Variants in GRIP1 observed in about 807,000 individuals in gnomAD.
The protein encoded by GRIP1 is glutamate receptor interacting protein 1, also known as glutamate receptor-interacting protein 1.
In GRIP1, 45 loss-of-function variants were observed where a neutral mutation model predicts 129.9. That is an observed-to-expected ratio of 0.35 (90% CI 0.27 to 0.44). The LOEUF is 0.44. Among genes scored for constraint, GRIP1 ranks in the 20% least tolerant of loss-of-function variants. GRIP1 has a pLI of 1.00. For missense variants in GRIP1, 1,196 were observed against 1,396.8 expected, an observed-to-expected ratio of 0.86 and a Z score of 2.29; for synonymous variants, 530 against 520.8, an observed-to-expected ratio of 1.02 and a Z score of -0.24.
At chr12:66,942,750 T>C (rs1298075188) in intron 1 of GRIP1, among the ~76,000 whole-genome samples, 1 of 152,186 alleles carries the variant, frequency 6.6e-6, no homozygotes, top group Non-Finnish European at 1.5e-5. Flanking sequence ...ATTTATATGT[T>C]GAAATCCTAA....
intron 7 of GRIP1, among the ~76,000 whole-genome samples, chr12:66,482,021 A>C (rs2138571255): frequency 6.6e-6 from 1 of 152,262 alleles, no homozygotes; most frequent in East Asian, 1.9e-4. Flanking sequence ...TGGGTGCAGC[A>C]GACCACCATG....
At chr12:66,799,837 C>T (rs2038807607) in intron 1 of GRIP1, among the ~76,000 whole-genome samples, 1 of 152,146 alleles carries the variant, frequency 6.6e-6, no homozygotes, top group Non-Finnish European at 1.5e-5. Context: ...AATTACTTAT[C>T]TAATCACCCA....
intron 11 of GRIP1, among the ~76,000 whole-genome samples, chr12:66,452,014 T>C (rs1285930859): frequency 1.3e-5 from 2 of 152,238 alleles, no homozygotes; most frequent in East Asian, 1.9e-4. Flanking sequence ...CTCTCTCTAA[T>C]AGTAGTTACT....
At chr12:67,024,883 T>G (rs1290374338) in intron 1 of GRIP1, among the ~76,000 whole-genome samples, 4 of 152,240 alleles carry the variant, frequency 2.6e-5, no homozygotes, top group Non-Finnish European at 5.9e-5. Flanking sequence ...GTTTAAAAAC[T>G]TATCTCAATT....
chr12:66,632,459 C>T (rs2030905107), intron 1 of GRIP1, among the ~76,000 whole-genome samples: 1 of 152,166 alleles, frequency 6.6e-6, no homozygotes, highest in African/African-American at 2.4e-5. Flanking sequence ...CCTCTCTTCC[C>T]TGGATGGTGC....
chr12:66,474,655 G>T (rs2059548920), intron 7 of GRIP1, among the ~76,000 whole-genome samples: 1 of 152,230 alleles, frequency 6.6e-6, no homozygotes, highest in Admixed American at 6.5e-5. Flanking sequence ...CAAGCCAGAA[G>T]AGAGTGGGGG....
At chr12:66,696,687 C>G (rs557339697) in intron 1 of GRIP1, among the ~76,000 whole-genome samples, 45 of 151,826 alleles carry the variant, frequency 3.0e-4, no homozygotes, top group Middle Eastern at 6.8e-3. Flanking sequence ...CACCTGTAGT[C>G]CCAGCTACTT....
intron 23 of GRIP1, among the ~76,000 whole-genome samples, chr12:66,361,643 C>A (rs2137165941): frequency 6.6e-6 from 1 of 152,324 alleles, no homozygotes; most frequent in Admixed American, 6.5e-5. Context: ...TTGCCCCAGC[C>A]ACCACCAAGC....
chr12:66,654,305 A>C (rs2033000665), intron 1 of GRIP1, among the ~76,000 whole-genome samples: 1 of 152,234 alleles, frequency 6.6e-6, no homozygotes, highest in Admixed American at 6.5e-5. Flanking sequence ...AGGTAAAATA[A>C]AGTATCTAAG....
chr12:67,021,994 T>G (rs2042874162), intron 1 of GRIP1, among the ~76,000 whole-genome samples: 1 of 152,218 alleles, frequency 6.6e-6, no homozygotes, highest in Non-Finnish European at 1.5e-5. Flanking sequence ...TTATTCGTTT[T>G]ATGGCTCAAT....
intron 1 of GRIP1, among the ~76,000 whole-genome samples, chr12:67,058,450 G>T (rs2043474817): frequency 6.6e-6 from 1 of 152,172 alleles, no homozygotes; most frequent in Admixed American, 6.5e-5. Context: ...TACATGTAGT[G>T]ATCTATTCTA....
intron 5 of GRIP1, 38 bp downstream of exon 5, chr12:66,529,793 T>A (rs183339429): frequency 9.2e-7 from 1 of 1,084,932 alleles, no homozygotes; most frequent in Non-Finnish European, 1.4e-6. Context: ...CCTATGGAAA[T>A]ATTTTTTTTA....
intron 7 of GRIP1, among the ~76,000 whole-genome samples, chr12:66,497,465 G>A (rs1456538486): frequency 1.3e-5 from 2 of 152,158 alleles, no homozygotes; most frequent in Non-Finnish European, 2.9e-5. Context: ...ACATGAACCC[G>A]GCATTGGGGA....
intron 15 of GRIP1, among the ~76,000 whole-genome samples, chr12:66,411,367 A>G (rs1179899101): frequency 6.6e-6 from 1 of 152,164 alleles, no homozygotes; most frequent in East Asian, 1.9e-4. Flanking sequence ...CCAGCAAACC[A>G]CAACGGCACT....
intron 2 of GRIP1, among the ~76,000 whole-genome samples, chr12:66,585,539 T>C (rs1368476664): frequency 1.4e-5 from 2 of 141,152 alleles, no homozygotes; most frequent in Admixed American, 7.3e-5. Context: ...TCTTTGCTAT[T>C]GTGAATAATG....
At chr12:66,447,268 T>C (rs2138137304) in intron 11 of GRIP1, among the ~76,000 whole-genome samples, 1 of 152,306 alleles carries the variant, frequency 6.6e-6, no homozygotes, top group Middle Eastern at 3.4e-3. Context: ...TCATGGGATT[T>C]TCCTATACCC....
At chr12:66,814,075 T>C (rs766046787) in intron 1 of GRIP1, among the ~76,000 whole-genome samples, 13 of 151,960 alleles carry the variant, frequency 8.6e-5, no homozygotes, top group Non-Finnish European at 1.2e-4. Context: ...CTATTGTCTA[T>C]ATTATGTGTA....
At chr12:66,961,681 T>C (rs2041923250) in intron 1 of GRIP1, among the ~76,000 whole-genome samples, 1 of 152,160 alleles carries the variant, frequency 6.6e-6, no homozygotes, top group Non-Finnish European at 1.5e-5. Context: ...TTAAAGCTCA[T>C]TTGTTCATCA....
At chr12:67,026,729 T>C (rs950519932) in intron 1 of GRIP1, among the ~76,000 whole-genome samples, 3 of 152,204 alleles carry the variant, frequency 2.0e-5, no homozygotes, top group East Asian at 1.9e-4. Context: ...TCATATCTCA[T>C]GGTCAATCTA....
Sources: allele counts gnomAD v4.1 joint callset (sites outside exome capture counted in the v4.1 genomes callset), GRCh38; gene constraint gnomAD v4.1.1; transcripts MANE v1.5; gene names NCBI Gene and HGNC (gene_info 2026-07-23, HGNC 2026-07-21).